The following STK17B variants were observed in gnomAD, a reference collection of about 807,000 sequenced individuals.
The protein encoded by STK17B is serine/threonine kinase 17b, also known as serine/threonine-protein kinase 17B.
In STK17B, 21 loss-of-function variants were observed where a neutral mutation model predicts 42.0. The observed-to-expected ratio is 0.50, with a 90% CI of 0.35 to 0.72. STK17B has a LOEUF of 0.72. Among genes scored for constraint, STK17B ranks in the 30% least tolerant of loss-of-function variants. The pLI is 0.00. For synonymous variants in STK17B, 143 were observed against 148.4 expected (o/e 0.96, Z 0.26); for missense variants, 349 against 446.0 (o/e 0.78, Z 1.96).
intron 1 of STK17B, among the ~76,000 whole-genome samples, chr2:196,168,383 A>G (rs1699896526): frequency 6.6e-6 from 1 of 152,236 alleles, no homozygotes; most frequent in Non-Finnish European, 1.5e-5. Flanking sequence ...CGGGGTGGGC[A>G]ACAAATGCAT....
intron 3 of STK17B, among the ~76,000 whole-genome samples, chr2:196,147,922 G>A (rs1290392809): frequency 6.6e-6 from 1 of 151,968 alleles, no homozygotes; most frequent in Admixed American, 6.6e-5. Flanking sequence ...TAGAGATAAG[G>A]TTTCGCCATG....
At chr2:196,153,755 G>GTT (rs2105698601) in intron 3 of STK17B, 1 of 152,162 alleles carries the variant, frequency 6.6e-6, no homozygotes, top group South Asian at 2.1e-4. Flanking sequence ...AGCTTGAAAG[G>GTT]GAACCACTGA....
chr2:196,159,212 G>A (rs926579779), intron 2 of STK17B, among the ~76,000 whole-genome samples: 1 of 151,716 alleles, frequency 6.6e-6, no homozygotes, highest in African/African-American at 2.4e-5. Context: ...ACAGTTTATA[G>A]TAGTGCTTGT....
chr2:196,134,121 G>T lies in STK17B; in HGVS notation c.*3326C>A, dbSNP rs1699360951. The T allele has an allele frequency of 1.3e-5, 2 of 152,208 alleles. No individual in the cohort carries two copies. Among genetic ancestry groups the T allele is most frequent in the South Asian group, 4.1e-4 (2 of 4,836 alleles). 9.4% of individuals were successfully genotyped at this position (152,208 alleles called of 1,614,324 possible). On this transcript the variant is annotated 3_prime_UTR_variant, in exon 8 of 8. Coordinates refer to ENST00000263955, the MANE Select transcript of STK17B (RefSeq NM_004226.4). ...CCATTAACTATTTGTGAGCTGTCCA[G>T]AATGAAAGAGGCTTGTGCCAGAATG...
At chr2:196,162,636 A>G (rs1186297769) in intron 2 of STK17B, among the ~76,000 whole-genome samples, 2 of 152,002 alleles carry the variant, frequency 1.3e-5, no homozygotes, top group Non-Finnish European at 2.9e-5. Flanking sequence ...AGGGGCTCAC[A>G]CCAATTATCT....
At chr2:196,138,935 A>G (rs1000795301) in intron 7 of STK17B, among the ~76,000 whole-genome samples, 8 of 151,974 alleles carry the variant, frequency 5.3e-5, no homozygotes, top group Non-Finnish European at 1.0e-4. Flanking sequence ...CACAATCAGT[A>G]AATGATACTT....
At chr2:196,170,982 GC>G (rs1699933630) in intron 1 of STK17B, 1 of 152,616 alleles carries the variant, frequency 6.6e-6, no homozygotes, top group South Asian at 2.1e-4. Context: ...CGCGAAGGGG[GC>G]CCTGCCTGGC....
upstream of STK17B, among the ~76,000 whole-genome samples, chr2:196,174,788 C>T (rs1284093703): frequency 2.6e-5 from 4 of 152,254 alleles, no homozygotes; most frequent in African/African-American, 9.6e-5. Flanking sequence ...ACCAGAGAGA[C>T]TCTAAGAGAC....
chr2:196,149,450 C>T (rs1433567414), intron 3 of STK17B, among the ~76,000 whole-genome samples: 1 of 152,182 alleles, frequency 6.6e-6, no homozygotes, highest in Non-Finnish European at 1.5e-5. Flanking sequence ...AGGCATGAGC[C>T]ACTGGGCCCA....
In STK17B at chr2:196,143,598, C is replaced by G. The variant is rs1460112130; in HGVS notation, c.569G>C (p.Cys190Ser). 6.2e-7 allele frequency: 1 copy of G among 1,608,386 alleles called. No homozygotes were observed. Among genetic ancestry groups the G allele is most frequent in the African/African-American group, 1.3e-5 (1 of 74,594 alleles). Residue 190 changes from cysteine (C) to serine (S), a missense_variant, in exon 5 of 8, where the codon TGT (cysteine) becomes TCT (serine). By Grantham distance (112) the Cys-to-Ser change is moderately radical. Coordinates refer to ENST00000263955, the MANE Select transcript of STK17B (RefSeq NM_004226.4). ...TGTTCCCATGATTTCCCGAAGTTCA[C>G]ACGCATGCCCTATTTTTCGAGACAT... ...FGMSRKIGHACELREIMGTPE... is the reference protein window; with the variant it reads ...FGMSRKIGHASELREIMGTPE...
intron 4 of STK17B, among the ~76,000 whole-genome samples, chr2:196,145,048 T>C (rs2105684278): frequency 6.6e-6 from 1 of 151,562 alleles, no homozygotes; most frequent in South Asian, 2.1e-4. Flanking sequence ...CGTGATTATC[T>C]TGGCATTTAC....
chr2:196,136,158 TCA>T lies in STK17B; in HGVS notation c.*1287_*1288del, dbSNP rs1699401339. 6.6e-6 allele frequency: 1 copy of T among 152,204 alleles called. No individual in the cohort carries two copies. Among genetic ancestry groups the T allele is most frequent in the Non-Finnish European group, 1.5e-5 (1 of 68,042 alleles). The allele number at this position is 152,204 out of a possible 1,614,324, so 9.4% of individuals were successfully genotyped here. A position where few individuals can be genotyped will look rare whatever the true frequency, so the allele number is the denominator to read the frequency against. On this transcript the variant is annotated 3_prime_UTR_variant, in exon 8 of 8. Transcript: ENST00000263955. ...CTGATACAGCAACATGGTCATGAGATCACAGTTATCGTAACATGATAACAGAC... is the reference window on the plus strand; with the variant it reads ...CTGATACAGCAACATGGTCATGAGATCAGTTATCGTAACATGATAACAGAC...
upstream of STK17B, among the ~76,000 whole-genome samples, chr2:196,174,738 A>G (rs969665217): frequency 3.9e-5 from 6 of 152,240 alleles, no homozygotes; most frequent in Admixed American, 6.5e-5. Flanking sequence ...GCATTTACTC[A>G]TGGTGCCTAC....
At chr2:196,153,886 A>G (rs1699701861) in intron 3 of STK17B, 1 of 152,228 alleles carries the variant, frequency 6.6e-6, no homozygotes, top group South Asian at 2.1e-4. Flanking sequence ...TTTAAAAAAC[A>G]TGAAATCCAC....
intron 6 of STK17B, 140 bp from the exon 7 acceptor site, chr2:196,139,939 A>G (rs546143289): frequency 1.9e-6 from 1 of 531,498 alleles, no homozygotes. Flanking sequence ...CAAAGTTCCT[A>G]TATTATTAAA....
intron 4 of STK17B, 65 bp from the exon 5 acceptor site, chr2:196,143,751 A>C: frequency 7.7e-7 from 1 of 1,305,136 alleles, no homozygotes; most frequent in Non-Finnish European, 1.0e-6. Flanking sequence ...CTCAGATGGA[A>C]AGTATATTAA....
At chr2:196,152,725 T>C (rs1699682547) in intron 3 of STK17B, among the ~76,000 whole-genome samples, 1 of 152,194 alleles carries the variant, frequency 6.6e-6, no homozygotes, top group African/African-American at 2.4e-5. Flanking sequence ...CAAAGGAGTA[T>C]ATATACTACA....
chr2:196,147,721 C>T (rs749321701), intron 3 of STK17B, among the ~76,000 whole-genome samples: 2 of 147,324 alleles, frequency 1.4e-5, no homozygotes, highest in African/African-American at 2.5e-5. Context: ...GCTGTAAATT[C>T]ATGAGACATA....
At chr2:196,175,213 A>G (rs1699987266), upstream of STK17B, among the ~76,000 whole-genome samples, 1 of 152,184 alleles carries the variant, frequency 6.6e-6, no homozygotes, top group Admixed American at 6.5e-5. Context: ...TTTTATACTT[A>G]CAGCATGTCC....
Sources: gnomAD v4.1 joint callset for allele counts (sites outside exome capture counted in the v4.1 genomes callset) on GRCh38, gnomAD v4.1.1 for gene constraint, MANE v1.5 for transcripts, NCBI Gene and HGNC (gene_info 2026-07-23, HGNC 2026-07-21) for gene names.